The following PRDM14 variants were observed in gnomAD, a reference collection of about 807,000 sequenced individuals.
The protein encoded by PRDM14 is PR/SET domain 14, also known as PR domain zinc finger protein 14.
PRDM14 carries 16 observed loss-of-function variants against 48.0 expected under a neutral mutation model. The ratio of observed to expected loss-of-function variants is 0.33; its 90% CI spans 0.23 to 0.51. The LOEUF is 0.51. Among genes scored for constraint, PRDM14 ranks in the 20% least tolerant of loss-of-function variants. PRDM14 has a pLI of 0.97. For synonymous variants in PRDM14, 264 were observed against 276.6 expected, an observed-to-expected ratio of 0.95 and a Z score of 0.45; for missense variants, 566 against 719.6, an observed-to-expected ratio of 0.79 and a Z score of 2.44.
At chr8:70,068,899 A>C (rs1426593878) in intron 2 of PRDM14, among the ~76,000 whole-genome samples, 1 of 152,192 alleles carries the variant, frequency 6.6e-6, no homozygotes. Context: ...GTTAGCATAG[A>C]ATCTGAACCT....
chr8:70,056,301 C>G (rs1585647859), intron 6 of PRDM14, among the ~76,000 whole-genome samples: 1 of 152,060 alleles, frequency 6.6e-6, no homozygotes, highest in Non-Finnish European at 1.5e-5. Context: ...GTGCAAGCAC[C>G]GAGAGTTTGC....
chr8:70,061,826 T>G (rs2131039061), intron 5 of PRDM14, among the ~76,000 whole-genome samples: 1 of 152,060 alleles, frequency 6.6e-6, no homozygotes, highest in East Asian at 1.9e-4. Context: ...TCTTCACACC[T>G]CCACACCCCA....
Position 70,052,224 on chromosome 8 carries a change from A to G in PRDM14, c.1569T>C (p.Gly523=). ...GEKPFKCKYC[G]KSFASHAAHD... ...GGGCAGCATGGGATGCAAAAGATTT[A>G]CCACAGTACTTGCATTTGAAGGGCT... The change falls in exon 8 of 8, where the codon GGT becomes GGC. Residue 523 remains glycine, a synonymous_variant. Coordinates refer to ENST00000276594, the MANE Select transcript of PRDM14 (RefSeq NM_024504.4). 1 of 1,614,176 alleles carries G rather than the reference A, an allele frequency of 6.2e-7. No homozygotes were observed. Among genetic ancestry groups the G allele is most frequent in the Non-Finnish European group, 8.5e-7 (1 of 1,180,040 alleles).
At chr8:70,059,001 C>T (rs916731180) in intron 5 of PRDM14, among the ~76,000 whole-genome samples, 159 bp from the exon 6 acceptor site, 1 of 152,238 alleles carries the variant, frequency 6.6e-6, no homozygotes, top group Non-Finnish European at 1.5e-5. Context: ...ATTGCCCAGT[C>T]TGTAGTGCAG....
intron 2 of PRDM14, 63 bp from the exon 3 acceptor site, chr8:70,068,595 G>A (rs537402544): frequency 2.2e-6 from 3 of 1,351,848 alleles, no homozygotes; most frequent in Admixed American, 1.7e-5. Flanking sequence ...CTTTTATGAG[G>A]TGTTTCCCTC....
At chr8:70,070,669 A>G (rs1044021118) in intron 1 of PRDM14, among the ~76,000 whole-genome samples, 3 of 151,944 alleles carry the variant, frequency 2.0e-5, no homozygotes, top group African/African-American at 7.3e-5. Context: ...TACCAGGACT[A>G]TTGGGGCCTG....
chr8:70,068,267 T>C lies in PRDM14; in HGVS notation c.875A>G (p.Glu292Gly), dbSNP rs1461680619. Residue 292 changes from glutamate to glycine, a missense_variant, in exon 4 of 8, where the codon GAA becomes GGA. By Grantham distance (98) the Glu-to-Gly change is moderately conservative. Transcript: ENST00000276594. ...PFQGKVVNAS[E>G]VKTYGDNSVM... ...AGAATTGTCTCCGTAGGTCTTCACT[T>C]CACTGGCATTGACCACTTTACCTTG... 4 of 1,614,122 alleles carry C rather than the reference T, an allele frequency of 2.5e-6. No individual in the cohort carries two copies. The highest frequency in any genetic ancestry group is 3.4e-6 in the Non-Finnish European group (4 of 1,180,046).
intron 7 of PRDM14, among the ~76,000 whole-genome samples, chr8:70,052,859 T>C (rs1207806489): frequency 1.0e-5 from 1 of 95,496 alleles, no homozygotes; most frequent in Non-Finnish European, 1.9e-5. Flanking sequence ...AGTGAGACTC[T>C]GTCTCCAAAA....
chr8:70,061,931 C>G (rs1042724568), intron 5 of PRDM14, among the ~76,000 whole-genome samples: 1 of 152,084 alleles, frequency 6.6e-6, no homozygotes, highest in Admixed American at 6.6e-5. Context: ...CTTCCCTCAC[C>G]ACTCAAGACC....
At chr8:70,069,957 G>A (rs1805739935) in intron 1 of PRDM14, 73 bp from the exon 2 acceptor site, 2 of 875,968 alleles carry the variant, frequency 2.3e-6, no homozygotes, top group Admixed American at 2.7e-5. Context: ...CTCCCCACCA[G>A]CCTCCTCCAC....
chr8:70,066,456 G>A lies in PRDM14; in HGVS notation c.962C>T (p.Thr321Met), dbSNP rs561719304. ...LSHFIDGKGG[T>M]GNWMSYVNCA... Reference sequence around the variant, plus strand: ...GTTGACATAGGACATCCAGTTCCCCGTACCTCCTTTTCCATCTATAAAGTG... The same window carrying A: ...GTTGACATAGGACATCCAGTTCCCCATACCTCCTTTTCCATCTATAAAGTG... Residue 321 changes from threonine to methionine, a missense_variant, in exon 5 of 8, where the codon ACG becomes ATG. Physicochemically the swap from Thr to Met is moderately conservative, Grantham distance 81 (BLOSUM62 -1). This residue lies in a region of PRDM14 where 410 missense variants were observed against 424.6 expected (regional missense o/e 0.97). Coordinates refer to ENST00000276594, the MANE Select transcript of PRDM14 (RefSeq NM_024504.4). 14 of 1,613,966 alleles carry A rather than the reference G, an allele frequency of 8.7e-6. No individual in the cohort carries two copies. Among genetic ancestry groups the A allele is most frequent in the Middle Eastern group, 1.6e-4 (1 of 6,062 alleles).
At chr8:70,067,141 TA>T (rs1320462146) in intron 4 of PRDM14, among the ~76,000 whole-genome samples, 2 of 152,218 alleles carry the variant, frequency 1.3e-5, no homozygotes, top group Non-Finnish European at 2.9e-5. Context: ...AAAAAGGTTT[TA>T]TTTAATTCCA....
rs540968663 is a variant in PRDM14 at position 70,057,793 on chromosome 8, C to T, written c.1386+847G>A. ...AAATCCTTTTAGAATTACACAAATGCATGATAACTGTAAATGTATTCAAAT... is the reference window on the plus strand; with the variant it reads ...AAATCCTTTTAGAATTACACAAATGTATGATAACTGTAAATGTATTCAAAT... On this transcript the variant is annotated intron_variant, in intron 6 of 7. Transcript: ENST00000276594. 2.0e-5 allele frequency among the ~76,000 whole-genome samples: 3 copies of T among 152,124 alleles called. No individual in the cohort carries two copies. In the South Asian group the frequency reaches 6.2e-4, roughly 32 times the overall value.
chr8:70,058,990 T>A, intron 5 of PRDM14, 148 bp from the exon 6 acceptor site: 2 of 655,106 alleles, frequency 3.1e-6, no homozygotes, highest in Non-Finnish European at 5.0e-6. Context: ...AATCTTGCTG[T>A]ATTGCCCAGT....
chr8:70,064,240 A>AGATAAATAATGACTGCTTATTATTTATCC (rs1805630114), intron 5 of PRDM14, among the ~76,000 whole-genome samples: 1 of 152,048 alleles, frequency 6.6e-6, no homozygotes, highest in African/African-American at 2.4e-5. Flanking sequence ...ATTATTTATC[A>AGATAAATAATGACTGCTTATTATTTATCC]TTAGATAAAT....
At position 70,051,770 on chromosome 8, in the gene PRDM14, T is replaced by TTTTGTTTTATTTTG; in HGVS notation, c.*306_*307insCAAAATAAAACAAA. ...CCACACTCTTGAGGGCTACTCATTT[T>TTTTGTTTTATTTTG]TTTTGTTTTGTTTTGTTTTGAGACA... is the stretch of plus-strand genomic sequence containing the variant. On this transcript the variant is annotated 3_prime_UTR_variant, in exon 8 of 8. Coordinates refer to ENST00000276594, the MANE Select transcript of PRDM14 (RefSeq NM_024504.4). The TTTTGTTTTATTTTG allele has an allele frequency of 4.0e-6, 1 of 247,398 alleles. No individual in the cohort carries two copies. Among genetic ancestry groups the TTTTGTTTTATTTTG allele is most frequent in the Non-Finnish European group, 7.8e-6 (1 of 127,638 alleles). The allele number at this position is 247,398 out of a possible 1,614,324, so 15.3% of individuals were successfully genotyped here. A position where few individuals can be genotyped will look rare whatever the true frequency, so the allele number is the denominator to read the frequency against.
rs999525626 is a variant in PRDM14 at position 70,051,962 on chromosome 8, C to T, written c.*115G>A. 4 of 692,950 alleles carry T rather than the reference C, an allele frequency of 5.8e-6. No individual in the cohort carries two copies. Among genetic ancestry groups the T allele is most frequent in the African/African-American group, 1.8e-5 (1 of 55,990 alleles). 42.9% of individuals were successfully genotyped at this position (692,950 alleles called of 1,614,324 possible). A position where few individuals can be genotyped will look rare whatever the true frequency, so the allele number is the denominator to read the frequency against. Reference sequence around the variant, plus strand: ...GATTTTTGTATTTTTTTGGTAGAGACAGGATTTCACCATGTTGCCCAGGCT... The same window carrying T: ...GATTTTTGTATTTTTTTGGTAGAGATAGGATTTCACCATGTTGCCCAGGCT... On this transcript the variant is annotated 3_prime_UTR_variant, in exon 8 of 8. Transcript: ENST00000276594.
rs200156865 is a variant in PRDM14 at position 70,066,219 on chromosome 8, G to A, written c.1183+16C>T. On this transcript the variant is annotated intron_variant, in intron 5 of 7. Coordinates refer to ENST00000276594, the MANE Select transcript of PRDM14 (RefSeq NM_024504.4). ...CTGGGATGCCCTCATTGGGCAAGGC[G>A]AGGGTGTGCACTCACCTTCAGAGGG... The A allele has an allele frequency of 1.3e-4, 204 of 1,610,464 alleles. 2 individuals are homozygous for A. In the African/African-American group the frequency reaches 1.8e-3, roughly 14 times the overall value.
intron 6 of PRDM14, among the ~76,000 whole-genome samples, chr8:70,056,806 G>A (rs1445361625): frequency 8.1e-6 from 1 of 122,780 alleles, no homozygotes; most frequent in Non-Finnish European, 1.6e-5. Context: ...GCAACAGAGT[G>A]AGACTGTCTC....
Sources: allele counts gnomAD v4.1 joint callset (sites outside exome capture counted in the v4.1 genomes callset), GRCh38; gene constraint gnomAD v4.1.1; regional missense constraint gnomAD v4.1.1; transcripts MANE v1.5; gene names NCBI Gene and HGNC (gene_info 2026-07-23, HGNC 2026-07-21).